MYRIP: variants seen among roughly 807,000 people sequenced by gnomAD.
MYRIP encodes rab effector MyRIP.
MYRIP carries 49 observed loss-of-function variants against 98.0 expected under a neutral mutation model. That is an observed-to-expected ratio of 0.50 (90% CI 0.40 to 0.63). The LOEUF (loss-of-function observed/expected upper bound fraction) is 0.63, where lower values mean the gene tolerates loss of function less well. MYRIP is among the 30% of genes least tolerant of loss of function. The probability of loss-of-function intolerance (pLI) is 0.00; values close to 1 mark genes in which losing one functional copy is unlikely to be tolerated. For synonymous variants in MYRIP, 404 were observed against 409.5 expected, an observed-to-expected ratio of 0.99 and a Z score of 0.16; for missense variants, 1,004 against 1,058.2, an observed-to-expected ratio of 0.95 and a Z score of 0.71.
chr3:39,909,879 G>A (rs111807376), intron 2 of MYRIP, among the ~76,000 whole-genome samples: 2 of 119,774 alleles, frequency 1.7e-5, no homozygotes, highest in Admixed American at 8.0e-5. Context: ...GGAAAAGCAC[G>A]TTCTTTTTTT....
At chr3:39,921,782 T>C (rs1689092488) in intron 2 of MYRIP, among the ~76,000 whole-genome samples, 1 of 148,094 alleles carries the variant, frequency 6.8e-6, no homozygotes, top group Non-Finnish European at 1.5e-5. Context: ...CTCAGGAGGC[T>C]GAGACAGGAG....
chr3:39,948,047 A>T (rs1944938564), intron 2 of MYRIP, among the ~76,000 whole-genome samples: 1 of 152,148 alleles, frequency 6.6e-6, no homozygotes, highest in Non-Finnish European at 1.5e-5. Context: ...CACTGCTCTA[A>T]ATTATTCTAT....
At chr3:39,905,470 C>T (rs187410105) in intron 2 of MYRIP, among the ~76,000 whole-genome samples, 5 of 152,206 alleles carry the variant, frequency 3.3e-5, no homozygotes, top group East Asian at 1.9e-4. Context: ...TGGTGTTCTA[C>T]TAGTCATCTT....
intron 12 of MYRIP, among the ~76,000 whole-genome samples, chr3:40,241,592 G>A (rs1284732090): frequency 6.6e-6 from 1 of 152,202 alleles, no homozygotes; most frequent in Non-Finnish European, 1.5e-5. Context: ...AAGACCTGCA[G>A]TAAAGAAATC....
intron 2 of MYRIP, among the ~76,000 whole-genome samples, chr3:39,935,899 T>C (rs1404718362): frequency 6.6e-6 from 1 of 152,178 alleles, no homozygotes; most frequent in African/African-American, 2.4e-5. Flanking sequence ...TGTGCAAAAA[T>C]CTACAAATAT....
intron 1 of MYRIP, among the ~76,000 whole-genome samples, chr3:39,878,569 T>A (rs994961327): frequency 6.6e-6 from 1 of 152,014 alleles, no homozygotes; most frequent in Non-Finnish European, 1.5e-5. Flanking sequence ...TGTATATATA[T>A]ACACAGAGGT....
rs185887270 is a variant in MYRIP, at chr3:40,049,383, C to A, written c.332+5112C>A. On this transcript the variant is annotated intron_variant, in intron 3 of 16. Coordinates refer to ENST00000302541, the MANE Select transcript of MYRIP (RefSeq NM_015460.4). Reference sequence around the variant, plus strand: ...TTTTCCATTATATATCAAACTTTCTCATTATTATTGTTATGGTCATCTGTA... The same window carrying A: ...TTTTCCATTATATATCAAACTTTCTAATTATTATTGTTATGGTCATCTGTA... 1.2e-4 allele frequency among the ~76,000 whole-genome samples: 18 copies of A among 152,186 alleles called. No individual in the cohort carries two copies. In the East Asian group the frequency reaches 3.3e-3, roughly 28 times the overall value.
intron 10 of MYRIP, among the ~76,000 whole-genome samples, chr3:40,205,644 C>T (rs778718007): frequency 7.2e-5 from 11 of 152,006 alleles, no homozygotes; most frequent in Non-Finnish European, 1.3e-4. Flanking sequence ...TCTTTCCCAC[C>T]GCCTCCCACC....
chr3:40,026,942 C>T (rs1255439285), intron 2 of MYRIP, among the ~76,000 whole-genome samples: 2 of 152,082 alleles, frequency 1.3e-5, no homozygotes, highest in Admixed American at 6.5e-5. Flanking sequence ...CCCTCTTTTC[C>T]CCCTGGCTGC....
chr3:39,889,332 T>A (rs572095996), intron 1 of MYRIP, among the ~76,000 whole-genome samples: 1 of 152,256 alleles, frequency 6.6e-6, no homozygotes, highest in Admixed American at 6.5e-5. Flanking sequence ...ATATACACCA[T>A]GGAATATTAT....
intron 2 of MYRIP, among the ~76,000 whole-genome samples, chr3:39,926,316 T>G (rs1399682516): frequency 6.6e-6 from 1 of 152,170 alleles, no homozygotes; most frequent in Non-Finnish European, 1.5e-5. Flanking sequence ...TTTCTTTTGT[T>G]GTACAAAAAC....
In MYRIP at chr3:39,855,711, C is replaced by T. The variant is rs953350230; in HGVS notation, c.-30-45076C>T. ...ACAGTGCCCCACTCAGACCTTGTCC[C>T]GGGTTGTGAGCTGCCCCACTGAGAA... On this transcript the variant is annotated intron_variant, in intron 1 of 16. Transcript: ENST00000302541. Among the ~76,000 whole-genome samples, 10 of 152,134 alleles carry T rather than the reference C, an allele frequency of 6.6e-5. 1 individual carries two copies. In the East Asian group the frequency reaches 1.3e-3, roughly 21 times the overall value.
At chr3:39,818,461 T>G (rs892281241) in intron 1 of MYRIP, among the ~76,000 whole-genome samples, 3 of 152,210 alleles carry the variant, frequency 2.0e-5, no homozygotes, top group Non-Finnish European at 2.9e-5. Context: ...TATAGAGTTA[T>G]CCATGGAGGT....
intron 1 of MYRIP, among the ~76,000 whole-genome samples, chr3:39,853,813 T>A (rs1241048616): frequency 6.6e-6 from 1 of 152,200 alleles, no homozygotes; most frequent in Non-Finnish European, 1.5e-5. Flanking sequence ...GCGTTCTCGG[T>A]CATGATCTCT....
chr3:39,937,556 A>G (rs898413213), intron 2 of MYRIP, among the ~76,000 whole-genome samples: 1 of 152,222 alleles, frequency 6.6e-6, no homozygotes, highest in Non-Finnish European at 1.5e-5. Context: ...GAATTTGCCC[A>G]ATAACATACA....
chr3:39,877,931 G>T (rs1943047277), intron 1 of MYRIP, among the ~76,000 whole-genome samples: 1 of 152,074 alleles, frequency 6.6e-6, no homozygotes, highest in African/African-American at 2.4e-5. Flanking sequence ...TTGTTTGTCT[G>T]TGCCCTGCCC....
intron 7 of MYRIP, 130 bp downstream of exon 7, chr3:40,167,369 C>G (rs1464148019): frequency 1.2e-6 from 1 of 835,990 alleles, no homozygotes; most frequent in Admixed American, 2.2e-5. Context: ...TCACTTTAGA[C>G]TTTTGTGCCC....
intron 4 of MYRIP, among the ~76,000 whole-genome samples, chr3:40,158,579 T>G (rs1370720109): frequency 6.6e-6 from 1 of 152,198 alleles, no homozygotes; most frequent in African/African-American, 2.4e-5. Flanking sequence ...TTGATCTGTC[T>G]AATGTTGACA....
At chr3:39,839,358 A>C (rs978440495) in intron 1 of MYRIP, among the ~76,000 whole-genome samples, 3 of 151,884 alleles carry the variant, frequency 2.0e-5, no homozygotes. Context: ...CCCAGGTTCA[A>C]GTGATTCTCC....
Sources: gnomAD v4.1 joint callset for allele counts (sites outside exome capture counted in the v4.1 genomes callset) on GRCh38, gnomAD v4.1.1 for gene constraint, MANE v1.5 for transcripts, NCBI Gene and HGNC (gene_info 2026-07-23, HGNC 2026-07-21) for gene names.